Variants in NPHP4 observed in about 807,000 individuals in gnomAD.
NPHP4 encodes the protein nephrocystin 4, also known as nephrocystin-4.
A neutral mutation model predicts 155.8 loss-of-function variants in NPHP4; 151 were observed. The observed-to-expected ratio is 0.97, with a 90% confidence interval of 0.85 to 1.11. The LOEUF is 1.11. NPHP4 is among the 50% of genes least tolerant of loss of function. The pLI is 0.00. For synonymous variants in NPHP4, 845 were observed against 816.8 expected (o/e 1.03, Z -0.59); for missense variants, 1,956 against 1,925.7 (o/e 1.02, Z -0.29).
At chr1:5,981,226 C>T (rs116779741) in intron 2 of NPHP4, among the ~76,000 whole-genome samples, 2,260 of 152,272 alleles carry the variant, frequency 0.015, 57 homozygotes, top group African/African-American at 0.052. Flanking sequence ...CTCCCAGAAC[C>T]GTCGCTGGCT....
In NPHP4 at chr1:5,863,236, G is replaced by A. The variant is rs775703306; in HGVS notation, c.*29C>T. On this transcript the variant is annotated 3_prime_UTR_variant, in exon 30 of 30. Transcript: ENST00000378156. ...GGGCACAGACAGGCCCCAGCTGGGT[G>A]CCGCAGGAAGGACGTCACCCTCAAG... is the stretch of plus-strand genomic sequence containing the variant. 8 of 1,613,400 alleles carry A rather than the reference G, an allele frequency of 5.0e-6. No individual in the cohort carries two copies. The South Asian group carries it at 7.7e-5, about 16-fold the overall frequency.
chr1:5,973,089 T>A (rs920424128), intron 3 of NPHP4, among the ~76,000 whole-genome samples: 3 of 152,212 alleles, frequency 2.0e-5, no homozygotes, highest in Admixed American at 6.5e-5. Context: ...TTCACCATGT[T>A]GGCCAGGCTG....
chr1:5,985,287 A>G (rs927202033), intron 2 of NPHP4, among the ~76,000 whole-genome samples: 3 of 152,266 alleles, frequency 2.0e-5, no homozygotes, highest in Admixed American at 6.5e-5. Flanking sequence ...CTTCTCACGC[A>G]TTCCCACCGG....
intron 10 of NPHP4, among the ~76,000 whole-genome samples, chr1:5,932,401 T>C (rs1045637860): frequency 5.9e-5 from 9 of 152,216 alleles, no homozygotes; most frequent in African/African-American, 2.2e-4. Context: ...ATTACATCTA[T>C]ATACCTTTAA....
At chr1:5,990,383 A>G (rs2102488124) in intron 1 of NPHP4, among the ~76,000 whole-genome samples, 1 of 152,274 alleles carries the variant, frequency 6.6e-6, no homozygotes, top group South Asian at 2.1e-4. Context: ...TCAACAATAA[A>G]AGAGAAAATC....
chr1:5,883,715 G>A (rs868201806), intron 18 of NPHP4, among the ~76,000 whole-genome samples: 6 of 152,204 alleles, frequency 3.9e-5, no homozygotes, highest in Middle Eastern at 3.2e-3. Context: ...TAGCTTTCTC[G>A]ACCACCTTCA....
chr1:5,984,797 T>G (rs991464429), intron 2 of NPHP4, among the ~76,000 whole-genome samples: 1 of 152,130 alleles, frequency 6.6e-6, no homozygotes, highest in Non-Finnish European at 1.5e-5. Context: ...GAAATAAAAT[T>G]TCCTTTGCAA....
intron 9 of NPHP4, among the ~76,000 whole-genome samples, chr1:5,938,480 G>A (rs1208862090): frequency 8.5e-5 from 13 of 152,136 alleles, no homozygotes; most frequent in Admixed American, 8.5e-4. Flanking sequence ...TCCTCAAATC[G>A]GATCCAGTAC....
intron 3 of NPHP4, among the ~76,000 whole-genome samples, chr1:5,973,887 C>A (rs1229581421): frequency 2.0e-5 from 3 of 152,234 alleles, no homozygotes; most frequent in Non-Finnish European, 4.4e-5. Context: ...TAGAGCCTCC[C>A]TCTGTGGAAG....
intron 11 of NPHP4, 83 bp downstream of exon 11, chr1:5,927,566 C>T: frequency 2.1e-6 from 3 of 1,418,134 alleles, no homozygotes; most frequent in Non-Finnish European, 2.9e-6. Context: ...GATTACCGTA[C>T]TAGACTAAGT....
At chr1:5,989,280 T>C (rs1655907330) in intron 1 of NPHP4, among the ~76,000 whole-genome samples, 1 of 152,154 alleles carries the variant, frequency 6.6e-6, no homozygotes, top group Admixed American at 6.5e-5. Flanking sequence ...TGTGCTACTT[T>C]TAAGCAACCA....
intron 19 of NPHP4, among the ~76,000 whole-genome samples, chr1:5,879,084 T>C (rs982186525): frequency 2.0e-5 from 3 of 152,222 alleles, no homozygotes; most frequent in Admixed American, 6.5e-5. Flanking sequence ...AGGGAGAACA[T>C]ACAAGTTTAC....
At position 5,862,894 on chromosome 1, in the gene NPHP4, A is replaced by G. The variant is rs998710727; in HGVS notation, c.*371T>C. 7.6e-6 allele frequency: 2 copies of G among 261,798 alleles called. No homozygotes were observed. The highest frequency in any genetic ancestry group is 9.7e-5 in the Admixed American group (2 of 20,672). 16.2% of individuals were successfully genotyped at this position (261,798 alleles called of 1,614,324 possible). A position where few individuals can be genotyped will look rare whatever the true frequency, so the allele number is the denominator to read the frequency against. Reference sequence around the variant, plus strand: ...TAAAATATTGCATAGCAAATAATAGATTATGTTTGTACAAAATCCAGTAAG... The same window carrying G: ...TAAAATATTGCATAGCAAATAATAGGTTATGTTTGTACAAAATCCAGTAAG... On this transcript the variant is annotated 3_prime_UTR_variant, in exon 30 of 30. Coordinates refer to ENST00000378156, the MANE Select transcript of NPHP4 (RefSeq NM_015102.5).
At chr1:5,868,029 G>T in intron 23 of NPHP4, 133 bp from the exon 24 acceptor site, 1 of 954,572 alleles carries the variant, frequency 1.0e-6, no homozygotes, top group Non-Finnish European at 1.7e-6. Flanking sequence ...AGCGGGGAAG[G>T]TCGGGCATCG....
intron 1 of NPHP4, among the ~76,000 whole-genome samples, chr1:5,988,089 G>A (rs145656557): frequency 1.1e-4 from 16 of 152,334 alleles, no homozygotes; most frequent in African/African-American, 2.2e-4. Flanking sequence ...TGAACAATGC[G>A]TAATGGTACA....
At position 5,933,152 on chromosome 1, in the gene NPHP4, CAG is replaced by C; in HGVS notation, c.1295_1296del (p.Ser432Ter). The C allele has an allele frequency of 6.3e-7, 1 of 1,583,276 alleles. No individual in the cohort carries two copies. The highest frequency in any genetic ancestry group is 8.6e-7 in the Non-Finnish European group (1 of 1,159,884). ...VYKVPSASMSSEEVKQVESGT... is the reference protein window; with the variant it reads ...VYKVPSASMSXEEVKQVESGT... ...AGAAATACCTAATAATTTACCTCTT[CAG>C]AGCTCATGCTGGCTGAGGGTACCTT... On this transcript the variant is annotated frameshift_variant, in exon 10 of 30. Coordinates refer to ENST00000378156, the MANE Select transcript of NPHP4 (RefSeq NM_015102.5). LOFTEE classifies it high-confidence loss of function.
intron 16 of NPHP4, among the ~76,000 whole-genome samples, chr1:5,895,678 T>C (rs1368017064): frequency 1.3e-5 from 2 of 152,214 alleles, no homozygotes; most frequent in Non-Finnish European, 2.9e-5. Flanking sequence ...TGTGGGGCAG[T>C]GTCTGTCAAC....
intron 11 of NPHP4, among the ~76,000 whole-genome samples, chr1:5,925,962 T>C (rs1039028007): frequency 1.3e-5 from 2 of 152,190 alleles, no homozygotes; most frequent in African/African-American, 4.8e-5. Context: ...CTTTGTTTAG[T>C]TTTTTGAAAT....
rs555567733 is a variant in NPHP4, at chr1:5,974,037, C to T, written c.279+4233G>A. On this transcript the variant is annotated intron_variant, in intron 3 of 29. Coordinates refer to ENST00000378156, the MANE Select transcript of NPHP4 (RefSeq NM_015102.5). ...CCAGGGCTTCCTGCAAGCTCCAGAGCCAGGCCCAAGAATCCAGGCCCTGGA... is the reference window on the plus strand; with the variant it reads ...CCAGGGCTTCCTGCAAGCTCCAGAGTCAGGCCCAAGAATCCAGGCCCTGGA... Among the ~76,000 whole-genome samples the T allele has an allele frequency of 2.0e-5, 3 of 152,372 alleles. No individual in the cohort carries two copies. The East Asian group carries it at 5.8e-4, about 29-fold the overall frequency.
Sources: gnomAD v4.1 joint callset for allele counts (sites outside exome capture counted in the v4.1 genomes callset) on GRCh38, gnomAD v4.1.1 for gene constraint, MANE v1.5 for transcripts, NCBI Gene and HGNC (gene_info 2026-07-23, HGNC 2026-07-21) for gene names.